Variants in PPP1R9A observed in about 807,000 individuals in gnomAD.
PPP1R9A encodes protein phosphatase 1 regulatory subunit 9A.
In PPP1R9A, 59 loss-of-function variants were observed where a neutral mutation model predicts 141.9. The observed-to-expected ratio is 0.42, with a 90% confidence interval of 0.34 to 0.52. The LOEUF is 0.52. PPP1R9A is among the 20% of genes least tolerant of loss of function. The pLI is 0.10. For synonymous variants in PPP1R9A, 500 were observed against 569.7 expected, an observed-to-expected ratio of 0.88 and a Z score of 1.74; for missense variants, 1,444 against 1,611.9, an observed-to-expected ratio of 0.90 and a Z score of 1.78.
Position 95,284,212 on chromosome 7 carries a change from C to A in PPP1R9A, c.3491C>A (p.Ser1164Tyr). ...PETLISDKKGSKVENTWITKA... is the reference protein window; with the variant it reads ...PETLISDKKGYKVENTWITKA... ...ACTCTAATTTCAGATAAAAAGGGGTCCAAGGTAGAAAACACATGGATTACA... is the reference window on the plus strand; with the variant it reads ...ACTCTAATTTCAGATAAAAAGGGGTACAAGGTAGAAAACACATGGATTACA... Residue 1164 changes from serine to tyrosine, a missense_variant, in exon 17 of 20, where the codon TCC becomes TAC. This residue lies in a region of PPP1R9A where 459 missense variants were observed against 513.8 expected (regional missense o/e 0.89). Coordinates refer to ENST00000433360, the MANE Select transcript of PPP1R9A (RefSeq NM_001166160.2). The A allele has an allele frequency of 6.4e-7, 1 of 1,572,874 alleles. No homozygotes were observed. Among genetic ancestry groups the A allele is most frequent in the Non-Finnish European group, 8.7e-7 (1 of 1,155,626 alleles).
rs749092043 is a variant in PPP1R9A at position 95,022,506 on chromosome 7, C to T, written c.1396-88753C>T. ...GCCTGACTGCCCTGGCCAGAACTTC[C>T]AATACTATATTGAATAGTAGTGGTA... On this transcript the variant is annotated intron_variant, in intron 2 of 19. Transcript: ENST00000433360. 1.8e-4 allele frequency among the ~76,000 whole-genome samples: 27 copies of T among 152,204 alleles called. No homozygotes were observed. In the Middle Eastern group the frequency reaches 0.01, roughly 58 times the overall value.
At chr7:94,965,633 T>A (rs1315741478) in intron 2 of PPP1R9A, among the ~76,000 whole-genome samples, 1 of 152,176 alleles carries the variant, frequency 6.6e-6, no homozygotes, top group Non-Finnish European at 1.5e-5. Flanking sequence ...TGGTTGTATG[T>A]GTGGCATTAT....
At chr7:95,147,310 G>A (rs1450173358) in intron 4 of PPP1R9A, among the ~76,000 whole-genome samples, 2 of 152,166 alleles carry the variant, frequency 1.3e-5, no homozygotes, top group Non-Finnish European at 2.9e-5. Context: ...TATTATTGGT[G>A]TATAGGAATG....
In PPP1R9A at chr7:95,288,549, G is replaced by A. The variant is rs1377757918; in HGVS notation, c.3743G>A (p.Gly1248Glu). The A allele has an allele frequency of 6.2e-7, 1 of 1,613,752 alleles. No individual in the cohort carries two copies. The highest frequency in any genetic ancestry group is 8.5e-7 in the Non-Finnish European group (1 of 1,179,920). ...ALSSDEILDD[G>E]QSPKHSQCQN... ...TTCCTATCTTAGATCCTTGATGATG[G>A]ACAGTCTCCCAAACACAGTCAGTGT... is the stretch of plus-strand genomic sequence containing the variant. Residue 1248 changes from glycine (G) to glutamate (E), a missense_variant, in exon 19 of 20, where the codon GGA (glycine) becomes GAA (glutamate). Gly to Glu is a moderately conservative substitution (Grantham distance 98). Around this residue, in one of 5 missense-constraint regions of PPP1R9A, gnomAD observed 459 missense variants for 513.8 expected, o/e 0.89. Transcript: ENST00000433360.
intron 7 of PPP1R9A, among the ~76,000 whole-genome samples, chr7:95,212,940 T>G (rs1217959408): frequency 6.6e-6 from 1 of 152,132 alleles, no homozygotes; most frequent in East Asian, 1.9e-4. Context: ...ATCCTATTGA[T>G]AGTAGTATTA....
chr7:94,952,652 C>T (rs773614790), intron 2 of PPP1R9A, among the ~76,000 whole-genome samples: 1 of 152,170 alleles, frequency 6.6e-6, no homozygotes, highest in African/African-American at 2.4e-5. Context: ...GCCATTCTAA[C>T]TGGCATGAGA....
intron 5 of PPP1R9A, among the ~76,000 whole-genome samples, chr7:95,175,706 C>CT (rs1172519059): frequency 6.6e-6 from 1 of 152,044 alleles, no homozygotes; most frequent in African/African-American, 2.4e-5. Context: ...GTGTCATTCA[C>CT]ATTAAACTTT....
intron 4 of PPP1R9A, among the ~76,000 whole-genome samples, chr7:95,157,765 A>T (rs1217266377): frequency 6.6e-6 from 1 of 152,190 alleles, no homozygotes. Context: ...CCTTATTTCC[A>T]AGCTTTGAAT....
At chr7:95,004,640 C>T (rs926300381) in intron 2 of PPP1R9A, among the ~76,000 whole-genome samples, 1 of 152,098 alleles carries the variant, frequency 6.6e-6, no homozygotes, top group Non-Finnish European at 1.5e-5. Context: ...ATCCAGAGTA[C>T]TCATGCATAG....
At chr7:95,127,986 T>G (rs1297946713) in intron 4 of PPP1R9A, among the ~76,000 whole-genome samples, 1 of 152,214 alleles carries the variant, frequency 6.6e-6, no homozygotes, top group Non-Finnish European at 1.5e-5. Context: ...AACATGTAAG[T>G]GCATGTGTCT....
intron 2 of PPP1R9A, among the ~76,000 whole-genome samples, chr7:94,961,572 T>A (rs967489358): frequency 6.6e-5 from 10 of 151,820 alleles, no homozygotes; most frequent in African/African-American, 2.4e-4. Flanking sequence ...TTATAGGAAG[T>A]TTAAGTATTC....
chr7:95,204,935 C>T (rs1002933137), intron 7 of PPP1R9A, among the ~76,000 whole-genome samples: 8 of 145,598 alleles, frequency 5.5e-5, no homozygotes, highest in African/African-American at 2.0e-4. Context: ...CATACACACA[C>T]CACATACCCA....
chr7:95,267,771 AGAGATG>A (rs1801530025), intron 12 of PPP1R9A, among the ~76,000 whole-genome samples: 1 of 152,190 alleles, frequency 6.6e-6, no homozygotes, highest in Non-Finnish European at 1.5e-5. Context: ...AGGTATTCAC[AGAGATG>A]AGTCAGAGGC....
intron 13 of PPP1R9A, 147 bp from the exon 14 acceptor site, chr7:95,269,060 A>G (rs574780686): frequency 1.6e-5 from 12 of 728,428 alleles, no homozygotes; most frequent in African/African-American, 1.4e-4. Flanking sequence ...GTGAATTGGT[A>G]TGAACCATGC....
At chr7:95,225,522 C>T (rs1013630272) in intron 7 of PPP1R9A, among the ~76,000 whole-genome samples, 6 of 152,142 alleles carry the variant, frequency 3.9e-5, no homozygotes, top group Non-Finnish European at 8.8e-5. Context: ...TCAGCTAAAC[C>T]TTTGCAAGGC....
chr7:95,118,947 A>G (rs57219820), intron 3 of PPP1R9A, among the ~76,000 whole-genome samples: 2,197 of 151,126 alleles, frequency 0.015, 50 homozygotes, highest in African/African-American at 0.05. Flanking sequence ...GCGCCACTGC[A>G]CTCCAGCCTG....
At chr7:95,154,120 T>C (rs912421369) in intron 4 of PPP1R9A, among the ~76,000 whole-genome samples, 11 of 152,020 alleles carry the variant, frequency 7.2e-5, no homozygotes, top group Non-Finnish European at 1.3e-4. Context: ...TTGTGGTTTT[T>C]TTCTTTGTAT....
chr7:94,936,230 G>A (rs1052139150), intron 2 of PPP1R9A, among the ~76,000 whole-genome samples: 1 of 152,036 alleles, frequency 6.6e-6, no homozygotes, highest in African/African-American at 2.4e-5. Context: ...TTTTTCCTCT[G>A]GGCGCCAGTT....
chr7:95,137,042 A>G (rs974089253), intron 4 of PPP1R9A, among the ~76,000 whole-genome samples: 1 of 152,132 alleles, frequency 6.6e-6, no homozygotes, highest in Non-Finnish European at 1.5e-5. Flanking sequence ...TAGAGAAAGG[A>G]CTTATGGGCA....
Sources: gnomAD v4.1 joint callset for allele counts (sites outside exome capture counted in the v4.1 genomes callset) on GRCh38, gnomAD v4.1.1 for gene constraint, gnomAD v4.1.1 regional missense constraint, MANE v1.5 for transcripts, NCBI Gene and HGNC (gene_info 2026-07-23, HGNC 2026-07-21) for gene names.